Variants in DPYSL5 observed in about 807,000 individuals in gnomAD.
The protein encoded by DPYSL5 is dihydropyrimidinase like 5.
A neutral mutation model predicts 58.4 loss-of-function variants in DPYSL5; 9 were observed. The observed-to-expected ratio is 0.15, with a 90% confidence interval of 0.09 to 0.27. The LOEUF is 0.27. DPYSL5 is among the 10% of genes least tolerant of loss of function. The probability of loss-of-function intolerance (pLI) is 1.00; values close to 1 mark genes in which losing one functional copy is unlikely to be tolerated. For missense variants in DPYSL5, 499 were observed against 770.6 expected, an observed-to-expected ratio of 0.65 and a Z score of 4.17; for synonymous variants, 293 against 301.9, an observed-to-expected ratio of 0.97 and a Z score of 0.31.
chr2:26,936,102 G>A (rs939735628), intron 8 of DPYSL5, among the ~76,000 whole-genome samples: 1 of 152,188 alleles, frequency 6.6e-6, no homozygotes, highest in African/African-American at 2.4e-5. Flanking sequence ...CTTGTCTTCA[G>A]GGTGGACTGG....
intron 1 of DPYSL5, among the ~76,000 whole-genome samples, chr2:26,856,432 G>A (rs2148105718): frequency 6.6e-6 from 1 of 152,252 alleles, no homozygotes; most frequent in South Asian, 2.1e-4. Context: ...TTGTGCTCAA[G>A]GTTATATTTG....
intron 5 of DPYSL5, 23 bp from the exon 6 acceptor site, chr2:26,931,617 C>T (rs1286470282): frequency 8.7e-6 from 14 of 1,613,602 alleles, no homozygotes; most frequent in African/African-American, 2.7e-5. Flanking sequence ...GTTTGGTTTC[C>T]TCCTGTCCTT....
intron 2 of DPYSL5, among the ~76,000 whole-genome samples, chr2:26,906,720 A>C (rs1466425028): frequency 6.6e-6 from 1 of 152,240 alleles, no homozygotes; most frequent in African/African-American, 2.4e-5. Context: ...GCCCTAGTAC[A>C]TCTCCACTCC....
chr2:26,909,724 A>G (rs1315707862), intron 2 of DPYSL5, among the ~76,000 whole-genome samples: 1 of 152,140 alleles, frequency 6.6e-6, no homozygotes, highest in East Asian at 1.9e-4. Flanking sequence ...GCAGTGAGCT[A>G]TGATCATGCC....
intron 1 of DPYSL5, among the ~76,000 whole-genome samples, chr2:26,869,500 T>C (rs547405): frequency 0.013 from 2,055 of 152,248 alleles, 51 homozygotes; most frequent in African/African-American, 0.046. Flanking sequence ...CTGCTCAAAA[T>C]AGATCAAAAT....
At chr2:26,886,144 G>T (rs1206071099) in intron 1 of DPYSL5, among the ~76,000 whole-genome samples, 2 of 152,250 alleles carry the variant, frequency 1.3e-5, no homozygotes, top group African/African-American at 2.4e-5. Context: ...AGAACTGGGG[G>T]TTGTGAAAAG....
At chr2:26,912,975 G>C (rs1664479444) in intron 2 of DPYSL5, among the ~76,000 whole-genome samples, 1 of 152,180 alleles carries the variant, frequency 6.6e-6, no homozygotes, top group Non-Finnish European at 1.5e-5. Flanking sequence ...GAAATCAGGG[G>C]GCTCTAGAGT....
rs1299027604 is a variant in DPYSL5, at chr2:26,933,957, C to T, written c.791-621C>T. On this transcript the variant is annotated intron_variant, in intron 7 of 12. Transcript: ENST00000288699. This position sits in a 1 kb window ranked among gnomAD's most constrained non-coding sequence, Gnocchi z 4.2. The stretch of plus-strand genomic sequence containing the variant: ...TGGGGAGACAGATCAGAAGCAAGGG[C>T]ATCTCAGCCTTCAACTATAATCGAT... Among the ~76,000 whole-genome samples the T allele has an allele frequency of 1.3e-5, 2 of 152,148 alleles. No individual in the cohort carries two copies. Among genetic ancestry groups the T allele is most frequent in the Admixed American group, 1.3e-4 (2 of 15,276 alleles).
At chr2:26,854,701 A>G (rs1315269367) in intron 1 of DPYSL5, among the ~76,000 whole-genome samples, 1 of 152,232 alleles carries the variant, frequency 6.6e-6, no homozygotes, top group African/African-American at 2.4e-5. Context: ...CAGAGTAACC[A>G]TTCAACAGAT....
intron 1 of DPYSL5, among the ~76,000 whole-genome samples, chr2:26,878,591 A>T (rs1663471037): frequency 6.6e-6 from 1 of 152,146 alleles, no homozygotes; most frequent in Admixed American, 6.5e-5. Context: ...ATATCCTTCT[A>T]TGTTTTTTTC....
chr2:26,859,840 G>T (rs1202276847), intron 1 of DPYSL5, among the ~76,000 whole-genome samples: 1 of 152,144 alleles, frequency 6.6e-6, no homozygotes, highest in Admixed American at 6.6e-5. Context: ...GGAGAGAGAG[G>T]TTTACTGTCT....
intron 1 of DPYSL5, among the ~76,000 whole-genome samples, chr2:26,887,065 C>A (rs1251124733): frequency 6.6e-6 from 1 of 152,188 alleles, no homozygotes; most frequent in Non-Finnish European, 1.5e-5. Context: ...CCCAGGTTGC[C>A]ATTAGGCTTG....
chr2:26,910,095 T>A (rs1396559968), intron 2 of DPYSL5, among the ~76,000 whole-genome samples: 1 of 152,262 alleles, frequency 6.6e-6, no homozygotes, highest in East Asian at 1.9e-4. Flanking sequence ...TATTTCTATA[T>A]AAATGGAGCA....
chr2:26,889,365 G>C (rs1663811659), intron 1 of DPYSL5, among the ~76,000 whole-genome samples: 1 of 151,996 alleles, frequency 6.6e-6, no homozygotes, highest in Non-Finnish European at 1.5e-5. Context: ...TGCCTCCCGG[G>C]TTCACGCCAT....
rs1338617861 is a variant in DPYSL5, at chr2:26,933,701, A to G, written c.790+368A>G. 2.0e-5 allele frequency among the ~76,000 whole-genome samples: 3 copies of G among 152,206 alleles called. No homozygotes were observed. The highest frequency in any genetic ancestry group is 6.5e-5 in the Admixed American group (1 of 15,276). ...TAACATAAAATGCTGGACCAGTTTC[A>G]GTGGGCATTTCAGGGGCTGTTTGGG... On this transcript the variant is annotated intron_variant, in intron 7 of 12. Coordinates refer to ENST00000288699, the MANE Select transcript of DPYSL5 (RefSeq NM_020134.4). This position sits in a 1 kb window ranked among gnomAD's most constrained non-coding sequence, Gnocchi z 4.2.
At chr2:26,873,603 A>G (rs1663327480) in intron 1 of DPYSL5, among the ~76,000 whole-genome samples, 1 of 152,198 alleles carries the variant, frequency 6.6e-6, no homozygotes, top group Non-Finnish European at 1.5e-5. Context: ...CCTGCTATAG[A>G]TACAGTTGGG....
At chr2:26,890,936 A>G (rs1414957497) in intron 1 of DPYSL5, among the ~76,000 whole-genome samples, 1 of 152,164 alleles carries the variant, frequency 6.6e-6, no homozygotes, top group Non-Finnish European at 1.5e-5. Flanking sequence ...GCCCTGCCCT[A>G]TGACCTCATT....
chr2:26,939,963 A>G (rs900433241), intron 8 of DPYSL5, 68 bp from the exon 9 acceptor site: 11 of 1,596,654 alleles, frequency 6.9e-6, no homozygotes, highest in African/African-American at 6.7e-5. Flanking sequence ...TTTTCCCTAT[A>G]TCTATCCTCA....
intron 8 of DPYSL5, among the ~76,000 whole-genome samples, chr2:26,936,945 T>TAAAAAAAAAAAAAAA (rs55795892): frequency 0.05 from 3,831 of 75,992 alleles, 389 homozygotes; most frequent in East Asian, 0.065. Context: ...AGACTTCATT[T>TAAAAAAAAAAAAAAA]AAAAAAAAAA....
Sources: gnomAD v4.1 joint callset for allele counts (sites outside exome capture counted in the v4.1 genomes callset) on GRCh38, gnomAD v4.1.1 for gene constraint, Gnocchi (gnomAD v3.1) non-coding constraint, MANE v1.5 for transcripts, NCBI Gene and HGNC (gene_info 2026-07-23, HGNC 2026-07-21) for gene names.